Variants in MEI1 observed in about 807,000 individuals in gnomAD.
The protein encoded by MEI1 is meiotic double-stranded break formation protein 1.
MEI1 carries 103 observed loss-of-function variants against 146.2 expected under a neutral mutation model. The observed-to-expected ratio is 0.70, with a 90% CI of 0.60 to 0.83. MEI1 has a LOEUF of 0.83. Ranked by LOEUF, MEI1 falls within the 40% of genes least tolerant of loss-of-function variation. The pLI is 0.00. For synonymous variants in MEI1, 652 were observed against 628.2 expected, an observed-to-expected ratio of 1.04 and a Z score of -0.57; for missense variants, 1,529 against 1,533.0, an observed-to-expected ratio of 1.00 and a Z score of 0.04.
intron 7 of MEI1, among the ~76,000 whole-genome samples, chr22:41,727,122 G>A (rs2071425000): frequency 6.6e-6 from 1 of 151,624 alleles, no homozygotes; most frequent in Non-Finnish European, 1.5e-5. Flanking sequence ...GGCTGTTTAT[G>A]TGTCCACTTG....
intron 24 of MEI1, 77 bp from the exon 25 acceptor site, chr22:41,784,262 A>C: frequency 1.5e-6 from 2 of 1,311,498 alleles, no homozygotes; most frequent in Non-Finnish European, 2.2e-6. Context: ...AGGTGATAGA[A>C]GAGATTTTCA....
chr22:41,778,962 A>G (rs2075612744), intron 22 of MEI1, 150 bp downstream of exon 22: 1 of 603,754 alleles, frequency 1.7e-6, no homozygotes, highest in African/African-American at 1.9e-5. Flanking sequence ...TTTTCTTGCT[A>G]AAGGACCTCT....
chr22:41,764,199 A>T (rs774196200), intron 19 of MEI1, among the ~76,000 whole-genome samples: 8 of 152,146 alleles, frequency 5.3e-5, no homozygotes, highest in Non-Finnish European at 1.0e-4. Flanking sequence ...TGACCTCGTG[A>T]TCTGCCCGCC....
intron 22 of MEI1, 106 bp downstream of exon 22, chr22:41,778,918 T>C (rs2075610830): frequency 2.5e-6 from 2 of 804,638 alleles, no homozygotes; most frequent in Admixed American, 4.6e-5. Flanking sequence ...TTCATCCCTT[T>C]GGAAGAAGCT....
chr22:41,732,160 C>T, intron 9 of MEI1, 85 bp from the exon 10 acceptor site: 1 of 1,086,458 alleles, frequency 9.2e-7, no homozygotes. Flanking sequence ...TACATGCTGT[C>T]CAGAGCCTGT....
intron 6 of MEI1, among the ~76,000 whole-genome samples, chr22:41,723,259 G>A (rs867942817): frequency 6.6e-6 from 1 of 151,796 alleles, no homozygotes; most frequent in African/African-American, 2.4e-5. Flanking sequence ...GTCACCCAGG[G>A]TGGAGTACAG....
rs1569315690 is a variant in MEI1, at chr22:41,781,359, GC to G, written c.2893del (p.Leu965PhefsTer17). On this transcript the variant is annotated frameshift_variant, in exon 23 of 31. Transcript: ENST00000401548. LOFTEE classifies it high-confidence loss of function. ...CCCTCCTTCAACTTCCTGTATTGGAGCCTTCATCAGACCACACCCAGCAGTC... is the reference window on the plus strand; with the variant it reads ...CCCTCCTTCAACTTCCTGTATTGGAGCTTCATCAGACCACACCCAGCAGTC... ...LQPSFNFLYWSLHQTTPSSQK... is the reference protein window; with the variant it reads ...LQPSFNFLYWXLHQTTPSSQK... The G allele has an allele frequency of 1.2e-6, 2 of 1,613,548 alleles. No homozygotes were observed. Among genetic ancestry groups the G allele is most frequent in the Admixed American group, 3.3e-5 (2 of 59,942 alleles).
intron 23 of MEI1, 114 bp from the exon 24 acceptor site, chr22:41,781,570 CA>C: frequency 7.5e-7 from 1 of 1,329,756 alleles, no homozygotes; most frequent in South Asian, 1.4e-5. Flanking sequence ...CTTAGAGCCT[CA>C]GGATGATCCT....
chr22:41,760,202 C>T (rs1364944012), intron 18 of MEI1, among the ~76,000 whole-genome samples: 4 of 150,850 alleles, frequency 2.7e-5, no homozygotes, highest in Admixed American at 6.6e-5. Context: ...CCCAGCTACT[C>T]GGGAGGCTGA....
intron 11 of MEI1, among the ~76,000 whole-genome samples, chr22:41,732,953 GTAT>G (rs758714401): frequency 1.3e-5 from 2 of 151,510 alleles, no homozygotes; most frequent in South Asian, 2.1e-4. Flanking sequence ...GCTAATTTTT[GTAT>G]TATTATTAGA....
At chr22:41,784,314 A>G (rs1249848886) in intron 24 of MEI1, 25 bp from the exon 25 acceptor site, 1 of 1,606,066 alleles carries the variant, frequency 6.2e-7, no homozygotes, top group African/African-American at 1.3e-5. Context: ...CATGGGGGTT[A>G]GCCCTTTACC....
chr22:41,790,499 C>T (rs192880078), intron 26 of MEI1, among the ~76,000 whole-genome samples: 79 of 152,284 alleles, frequency 5.2e-4, no homozygotes, highest in South Asian at 3.5e-3. Flanking sequence ...CCTTGAGCTC[C>T]CAGAATGGTT....
intron 5 of MEI1, among the ~76,000 whole-genome samples, chr22:41,716,453 T>G (rs936592004): frequency 7.1e-6 from 1 of 140,534 alleles, no homozygotes; most frequent in African/African-American, 2.7e-5. Flanking sequence ...CTCGACTCAC[T>G]GCAACCTCCA....
At chr22:41,787,352 C>G (rs186587876) in intron 26 of MEI1, among the ~76,000 whole-genome samples, 36 of 152,242 alleles carry the variant, frequency 2.4e-4, no homozygotes, top group Non-Finnish European at 2.9e-5. Flanking sequence ...AACATTCATA[C>G]ACCCAACACC....
intron 10 of MEI1, 50 bp downstream of exon 10, chr22:41,732,394 G>A (rs1209800895): frequency 1.2e-6 from 2 of 1,613,460 alleles, no homozygotes; most frequent in Non-Finnish European, 1.7e-6. Context: ...ACTGCAGAAG[G>A]AAAAGTGGGC....
chr22:41,729,926 TG>T lies in MEI1; in HGVS notation c.979+148del, dbSNP rs1402674945. ...ATTTCTTGTATGACCTTGAGCAATT[TG>T]TTACCGATTTTTGTCATTTATTTGG... On this transcript the variant is annotated intron_variant, in intron 8 of 30. Coordinates refer to ENST00000401548, the MANE Select transcript of MEI1 (RefSeq NM_152513.4). The T allele has an allele frequency of 8.6e-6, 5 of 580,028 alleles. No individual in the cohort carries two copies. In the African/African-American group the frequency reaches 9.8e-5, roughly 11 times the overall value. 35.9% of individuals were successfully genotyped at this position (580,028 alleles called of 1,614,324 possible). A position where few individuals can be genotyped will look rare whatever the true frequency, so the allele number is the denominator to read the frequency against.
At chr22:41,723,362 G>A (rs1461641828) in intron 6 of MEI1, among the ~76,000 whole-genome samples, 4 of 152,078 alleles carry the variant, frequency 2.6e-5, no homozygotes, top group Non-Finnish European at 5.9e-5. Context: ...ACAGGCACAT[G>A]CCTCCATGCC....
intron 19 of MEI1, 79 bp downstream of exon 19, chr22:41,763,400 T>C: frequency 4.0e-6 from 6 of 1,512,256 alleles, no homozygotes; most frequent in Non-Finnish European, 5.4e-6. Context: ...ATGATGATGA[T>C]AGTGTATAGA....
At chr22:41,734,401 T>C (rs556209806) in intron 11 of MEI1, among the ~76,000 whole-genome samples, 1 of 152,222 alleles carries the variant, frequency 6.6e-6, no homozygotes, top group East Asian at 2.0e-4. Flanking sequence ...AAGACCAGCC[T>C]GGCCAAGATG....
Sources: allele counts gnomAD v4.1 joint callset (sites outside exome capture counted in the v4.1 genomes callset), GRCh38; gene constraint gnomAD v4.1.1; transcripts MANE v1.5; gene names NCBI Gene and HGNC (gene_info 2026-07-23, HGNC 2026-07-21).